The following PAN2 variants were observed in gnomAD, a reference collection of about 807,000 sequenced individuals.
PAN2 encodes PAN2-PAN3 deadenylation complex catalytic subunit PAN2.
PAN2 carries 68 observed loss-of-function variants against 133.3 expected under a neutral mutation model. That is an observed-to-expected ratio of 0.51 (90% confidence interval 0.42 to 0.62). The LOEUF (loss-of-function observed/expected upper bound fraction) is 0.62, where lower values mean the gene tolerates loss of function less well. PAN2 is among the 20% of genes least tolerant of loss of function. The pLI, the probability that PAN2 is intolerant of heterozygous loss-of-function variation, is 0.00. For synonymous variants in PAN2, 462 were observed against 544.6 expected (o/e 0.85, Z 2.11); for missense variants, 1,042 against 1,500.5 (o/e 0.69, Z 5.05).
intron 19 of PAN2, 57 bp from the exon 20 acceptor site, chr12:56,322,225 C>G (rs1272715322): frequency 8.1e-7 from 1 of 1,231,272 alleles, no homozygotes; most frequent in Non-Finnish European, 1.2e-6. Flanking sequence ...CCTTTTCCCC[C>G]ACTTCAGACG....
chr12:56,322,453 G>A lies in PAN2; in HGVS notation c.2667C>T (p.Phe889=). ...CAATAGGTTCAATAAGAAAGTCATTGAACAGATACCACTGCTGGTGAGTAA... is the reference window on the plus strand; with the variant it reads ...CAATAGGTTCAATAAGAAAGTCATTAAACAGATACCACTGCTGGTGAGTAA... The part of the protein sequence containing the change: ...EGVTHQQWYL[F]NDFLIEPIDK... The change falls in exon 19 of 26, where the codon TTC becomes TTT. Residue 889 remains phenylalanine, a synonymous_variant. Coordinates refer to ENST00000440411, the MANE Select transcript of PAN2 (RefSeq NM_014871.6). The A allele has an allele frequency of 6.2e-7, 1 of 1,613,728 alleles. No homozygotes were observed. The highest frequency in any genetic ancestry group is 1.1e-5 in the South Asian group (1 of 91,030).
chr12:56,332,344 G>A (rs1875977420), intron 2 of PAN2, among the ~76,000 whole-genome samples: 1 of 152,162 alleles, frequency 6.6e-6, no homozygotes, highest in Non-Finnish European at 1.5e-5. Flanking sequence ...GCTCACACCT[G>A]TAACCCCAGC....
chr12:56,322,968 C>A (rs994628703), intron 17 of PAN2, 94 bp downstream of exon 17: 20 of 1,485,076 alleles, frequency 1.3e-5, no homozygotes, highest in Admixed American at 3.4e-5. Flanking sequence ...TCTTCCTTTT[C>A]CCTCTGCTAA....
chr12:56,332,898 T>C lies in PAN2; in HGVS notation c.197A>G (p.His66Arg). 6.2e-7 allele frequency: 1 copy of C among 1,614,182 alleles called. No individual in the cohort carries two copies. Among genetic ancestry groups the C allele is most frequent in the Non-Finnish European group, 8.5e-7 (1 of 1,180,034 alleles). Residue 66 changes from histidine to arginine, a missense_variant, in exon 2 of 26, where the codon CAC becomes CGC. By Grantham distance (29) the His-to-Arg change is conservative. Coordinates refer to ENST00000440411, the MANE Select transcript of PAN2 (RefSeq NM_014871.6). ...TACACCCACTTCAGCCACCACGCTG[T>C]GCAATTCAGAGTAGACACCTTCCAT... ...HIMEGVYSEL[H>R]SVVAEVGVPV...
rs184745025 is a variant in PAN2 at position 56,323,965 on chromosome 12, A to T, written c.2066-52T>A. Reference sequence around the variant, plus strand: ...CTGGTTCTCCCCTCTACCCACAGTTAGTCCCCAACACCCTCTCCCTGATAT... The same window carrying T: ...CTGGTTCTCCCCTCTACCCACAGTTTGTCCCCAACACCCTCTCCCTGATAT... On this transcript the variant is annotated intron_variant, in intron 13 of 25. Transcript: ENST00000440411. The T allele has an allele frequency of 2.5e-6, 4 of 1,605,554 alleles. No homozygotes were observed. In the East Asian group the frequency reaches 6.7e-5, roughly 27 times the overall value.
At chr12:56,333,233 G>T in intron 1 of PAN2, 25 bp from the exon 2 acceptor site, 1 of 843,996 alleles carries the variant, frequency 1.2e-6, no homozygotes, top group Non-Finnish European at 1.8e-6. Context: ...AGGTAGCTGA[G>T]TCAAGGGTAG....
chr12:56,333,050 T>TG lies in PAN2; in HGVS notation c.44dup (p.Ala16SerfsTer49). On this transcript the variant is annotated frameshift_variant, in exon 2 of 26. Coordinates refer to ENST00000440411, the MANE Select transcript of PAN2 (RefSeq NM_014871.6). LOFTEE classifies it high-confidence loss of function. Reference sequence around the variant, plus strand: ...CAGGGTCCAGGGCAGAATGCATGGCTGGGGCATATTCTGCCAGTCCAGGGT... The same window carrying TG: ...CAGGGTCCAGGGCAGAATGCATGGCTGGGGGCATATTCTGCCAGTCCAGGGT... The TG allele has an allele frequency of 6.2e-7, 1 of 1,614,156 alleles. No individual in the cohort carries two copies. The highest frequency in any genetic ancestry group is 8.5e-7 in the Non-Finnish European group (1 of 1,180,018).
intron 2 of PAN2, among the ~76,000 whole-genome samples, chr12:56,329,307 G>C (rs1875475018): frequency 6.6e-6 from 1 of 151,826 alleles, no homozygotes; most frequent in African/African-American, 2.4e-5. Context: ...CTAACCACTA[G>C]ATAACCAAGG....
At chr12:56,333,517 G>A (rs937765319) in intron 1 of PAN2, 11 of 180,368 alleles carry the variant, frequency 6.1e-5, no homozygotes, top group Non-Finnish European at 3.6e-5. Flanking sequence ...CAGGTGAAGG[G>A]AGCGAGAATT....
intron 20 of PAN2, among the ~76,000 whole-genome samples, chr12:56,321,413 G>A (rs1874517217): frequency 1.3e-5 from 2 of 150,298 alleles, no homozygotes; most frequent in Non-Finnish European, 3.0e-5. Context: ...ATTTTTTGTA[G>A]AGACAGGGTT....
intron 1 of PAN2, 103 bp from the exon 2 acceptor site, chr12:56,333,311 G>T: frequency 1.8e-6 from 1 of 558,508 alleles, no homozygotes. Context: ...AGGCATGAGG[G>T]ATGAGACTGC....
intron 5 of PAN2, 90 bp downstream of exon 5, chr12:56,327,905 C>CTACA: frequency 6.3e-7 from 1 of 1,576,906 alleles, no homozygotes; most frequent in Non-Finnish European, 8.6e-7. Flanking sequence ...TCCAATCCAA[C>CTACA]TACACCCCAG....
At position 56,323,576 on chromosome 12, in the gene PAN2, T is replaced by G. The variant is rs1874795138; in HGVS notation, c.2195A>C (p.His732Pro). The G allele has an allele frequency of 3.7e-6, 6 of 1,614,168 alleles. No homozygotes were observed. Among genetic ancestry groups the G allele is most frequent in the Non-Finnish European group, 5.1e-6 (6 of 1,180,004 alleles). ...QPTIQTRNIR[H>P]LPDILVINCE... ...ATTGATGACAAGAATATCTGGCAGA[T>G]GGCGGATGTTGCGGGTCTGAATCTG... Residue 732 changes from histidine to proline, a missense_variant, in exon 15 of 26, where the codon CAT becomes CCT. Coordinates refer to ENST00000440411, the MANE Select transcript of PAN2 (RefSeq NM_014871.6).
Position 56,318,236 on chromosome 12 carries a change from C to T in PAN2, c.3562+1G>A. Reference sequence around the variant, plus strand: ...TTCCCTTGTCCCATCCCAGGTCTTACTCTTGGGACTTGTTTGGCCCTCAGG... The same window carrying T: ...TTCCCTTGTCCCATCCCAGGTCTTATTCTTGGGACTTGTTTGGCCCTCAGG... On this transcript the variant is annotated splice_donor_variant, in intron 25 of 25. Transcript: ENST00000440411. LOFTEE classifies it high-confidence loss of function. 6.2e-7 allele frequency: 1 copy of T among 1,612,144 alleles called. No individual in the cohort carries two copies. The highest frequency in any genetic ancestry group is 8.5e-7 in the Non-Finnish European group (1 of 1,178,154).
In PAN2 at chr12:56,327,503, G is replaced by A. The variant is rs531723896; in HGVS notation, c.780C>T (p.Gly260=). The A allele has an allele frequency of 9.9e-5, 160 of 1,614,246 alleles. No homozygotes were observed. The South Asian group carries it at 1.7e-3, about 17-fold the overall frequency. Residue 260 remains glycine, a synonymous_variant, in exon 6 of 26, where the codon GGC becomes GGT. Transcript: ENST00000440411. ...CCTTGAGGAAACGGTCGCAGGCCAG[G>A]CCAGTGAGGCGGCTGGAGAAGCCAC... ...AACGFSSRLT[G]LACDRFLKVY...
Position 56,325,134 on chromosome 12 carries a change from G to A in PAN2, c.1480-6C>T. ...TTGGAATATTTGATGGTCACCTAAG[G>A]TAGAAATTGTCTGAGCAAGACAAGG... On this transcript the variant is annotated splice_region_variant and splice_polypyrimidine_tract_variant and intron_variant, in intron 9 of 25. Transcript: ENST00000440411. 6.2e-7 allele frequency: 1 copy of A among 1,613,450 alleles called. No homozygotes were observed. Among genetic ancestry groups the A allele is most frequent in the Non-Finnish European group, 8.5e-7 (1 of 1,179,628 alleles).
At chr12:56,325,908 A>C (rs542746214) in intron 8 of PAN2, among the ~76,000 whole-genome samples, 8 of 152,250 alleles carry the variant, frequency 5.3e-5, no homozygotes, top group Non-Finnish European at 1.2e-4. Context: ...CTCTTCTCTC[A>C]TCTTGGATAT....
chr12:56,320,230 C>A (rs566321708), intron 20 of PAN2, among the ~76,000 whole-genome samples: 35 of 152,112 alleles, frequency 2.3e-4, no homozygotes, highest in Admixed American at 1.8e-3. Flanking sequence ...TGAGAAAAAA[C>A]CAGAAAAGAC....
At chr12:56,323,623 A>G (rs1874801633) in intron 14 of PAN2, 25 bp from the exon 15 acceptor site, 1 of 1,597,614 alleles carries the variant, frequency 6.3e-7, no homozygotes, top group Non-Finnish European at 8.6e-7. Context: ...CAAACAAGGA[A>G]TGGCAGGGAA....
Sources: gnomAD v4.1 joint callset for allele counts (sites outside exome capture counted in the v4.1 genomes callset) on GRCh38, gnomAD v4.1.1 for gene constraint, MANE v1.5 for transcripts, NCBI Gene and HGNC (gene_info 2026-07-23, HGNC 2026-07-21) for gene names.